FRMD4A: variants seen among roughly 807,000 people sequenced by gnomAD.
FRMD4A encodes FERM domain-containing protein 4A.
A neutral mutation model predicts 129.1 loss-of-function variants in FRMD4A; 29 were observed. That is an observed-to-expected ratio of 0.22 (90% CI 0.17 to 0.31). The LOEUF (loss-of-function observed/expected upper bound fraction) is 0.31, where lower values mean the gene tolerates loss of function less well. Ranked by LOEUF, FRMD4A falls within the 10% of genes least tolerant of loss-of-function variation. The probability of loss-of-function intolerance (pLI) is 1.00; values close to 1 mark genes in which losing one functional copy is unlikely to be tolerated. For synonymous variants in FRMD4A, 634 were observed against 571.6 expected, an observed-to-expected ratio of 1.11 and a Z score of -1.56; for missense variants, 1,272 against 1,375.8, an observed-to-expected ratio of 0.92 and a Z score of 1.19.
At chr10:14,008,296 G>A (rs1361628234) in intron 2 of FRMD4A, 1 of 1,036,470 alleles carries the variant, frequency 9.6e-7, no homozygotes, top group Non-Finnish European at 1.2e-6. Flanking sequence ...AACTGAAAGA[G>A]TTTTTCTTTC....
chr10:13,972,054 G>T, intron 2 of FRMD4A: 1 of 1,151,946 alleles, frequency 8.7e-7, no homozygotes, highest in Non-Finnish European at 1.1e-6. Flanking sequence ...TTTTCTCCTT[G>T]TCTCTGGGGA....
chr10:13,978,095 A>T (rs1411670020), intron 2 of FRMD4A, among the ~76,000 whole-genome samples: 1 of 152,200 alleles, frequency 6.6e-6, no homozygotes, highest in Non-Finnish European at 1.5e-5. Context: ...CAGCTGTACC[A>T]TTTTACATTT....
intron 2 of FRMD4A, among the ~76,000 whole-genome samples, chr10:14,252,394 C>A (rs957034817): frequency 2.6e-5 from 4 of 152,070 alleles, no homozygotes; most frequent in African/African-American, 9.7e-5. Flanking sequence ...AAAGAAAATC[C>A]AAAAATCATG....
At chr10:13,679,352 G>A (rs1335415246) in intron 15 of FRMD4A, among the ~76,000 whole-genome samples, 21 of 138,512 alleles carry the variant, frequency 1.5e-4, no homozygotes, top group African/African-American at 5.2e-4. Flanking sequence ...GCTTGAACCC[G>A]GGAGGCGGAG....
intron 15 of FRMD4A, among the ~76,000 whole-genome samples, chr10:13,688,317 T>C (rs1346769839): frequency 6.6e-6 from 1 of 152,068 alleles, no homozygotes; most frequent in Non-Finnish European, 1.5e-5. Flanking sequence ...CACCGCATGT[T>C]CTCACTCATA....
At chr10:13,779,705 G>C (rs1343583369) in intron 6 of FRMD4A, among the ~76,000 whole-genome samples, 1 of 151,630 alleles carries the variant, frequency 6.6e-6, no homozygotes, top group East Asian at 1.9e-4. Flanking sequence ...CCTAGGTTTA[G>C]TATTATTTGA....
At chr10:13,859,154 G>A (rs557100404) in intron 2 of FRMD4A, among the ~76,000 whole-genome samples, 66 of 152,262 alleles carry the variant, frequency 4.3e-4, no homozygotes, top group African/African-American at 1.5e-3. Flanking sequence ...AAGGTGGGCG[G>A]ATCACCTGAG....
At chr10:14,003,283 G>A (rs1165423868) in intron 2 of FRMD4A, among the ~76,000 whole-genome samples, 1 of 152,190 alleles carries the variant, frequency 6.6e-6, no homozygotes, top group Admixed American at 6.5e-5. Context: ...AGAGGAGGCA[G>A]GAAGACGCCA....
intron 2 of FRMD4A, among the ~76,000 whole-genome samples, chr10:14,172,902 T>C (rs1035173016): frequency 4.6e-5 from 7 of 152,220 alleles, no homozygotes; most frequent in African/African-American, 1.7e-4. Context: ...TTCTAATGAA[T>C]GACTCTCAGA....
In FRMD4A at chr10:14,287,870, A is replaced by T. The variant is rs555098718; in HGVS notation, c.45+42188T>A. Among the ~76,000 whole-genome samples, 272 of 152,284 alleles carry T rather than the reference A, an allele frequency of 1.8e-3. 1 individual carries two copies. Among genetic ancestry groups the T allele is most frequent in the African/African-American group, 5.7e-3 (237 of 41,552 alleles). ...AAGTGCCAGTTTTGAGATAAATAGG[A>T]TGTTAAAACCATAATTCTTTAACTT... is the stretch of plus-strand genomic sequence containing the variant. On this transcript the variant is annotated intron_variant, in intron 2 of 24. Transcript: ENST00000357447.
intron 9 of FRMD4A, among the ~76,000 whole-genome samples, chr10:13,747,335 GAGACC>G (rs1261930047): frequency 6.6e-6 from 1 of 151,880 alleles, no homozygotes; most frequent in Non-Finnish European, 1.5e-5. Flanking sequence ...TCAGGAGTTT[GAGACC>G]AGCCTGGCCA....
intron 11 of FRMD4A, 59 bp from the exon 12 acceptor site, chr10:13,737,989 A>G (rs1292002009): frequency 2.1e-6 from 2 of 946,016 alleles, no homozygotes; most frequent in Non-Finnish European, 3.5e-6. Context: ...ACACACGCAA[A>G]GTGGAGATTT....
chr10:13,851,905 TAA>T (rs34091812), intron 3 of FRMD4A, among the ~76,000 whole-genome samples: 224 of 142,326 alleles, frequency 1.6e-3, no homozygotes, highest in Middle Eastern at 6.9e-3. Flanking sequence ...TCTCAAAAAT[TAA>T]AAAAAAAAAA....
intron 20 of FRMD4A, 37 bp downstream of exon 20, chr10:13,660,279 G>T (rs2082535081): frequency 7.9e-7 from 1 of 1,266,228 alleles, no homozygotes; most frequent in African/African-American, 1.5e-5. Context: ...GAGCATAGAG[G>T]GAGGCCTCAT....
At chr10:14,032,633 A>AG (rs1475040464) in intron 2 of FRMD4A, among the ~76,000 whole-genome samples, 3 of 152,156 alleles carry the variant, frequency 2.0e-5, no homozygotes, top group African/African-American at 4.8e-5. Flanking sequence ...GGCGCCAGCA[A>AG]GGGGGAGCTG....
intron 9 of FRMD4A, among the ~76,000 whole-genome samples, chr10:13,745,851 G>A (rs1038558461): frequency 1.3e-5 from 2 of 152,150 alleles, no homozygotes; most frequent in Admixed American, 6.5e-5. Context: ...CAGCCAGGAG[G>A]CTACAGAGGG....
intron 2 of FRMD4A, among the ~76,000 whole-genome samples, chr10:13,923,912 A>G (rs2095101271): frequency 1.3e-5 from 2 of 152,192 alleles, no homozygotes; most frequent in African/African-American, 2.4e-5. Flanking sequence ...GGGGAGATAG[A>G]CAAAATAAAC....
intron 2 of FRMD4A, among the ~76,000 whole-genome samples, chr10:14,206,041 T>C (rs771177743): frequency 3.1e-4 from 47 of 152,282 alleles, no homozygotes; most frequent in Admixed American, 8.5e-4. Context: ...CTCTGCTAGT[T>C]TTCCCATGGG....
In FRMD4A at chr10:14,176,495, G is replaced by A. The variant is rs1201687962; in HGVS notation, c.45+153563C>T. Among the ~76,000 whole-genome samples the A allele has an allele frequency of 4.5e-4, 41 of 91,346 alleles. 1 individual carries two copies. The highest frequency in any genetic ancestry group is 1.9e-3 in the African/African-American group (41 of 21,050). The allele number at this position is 91,346 out of a possible 152,430, so 59.9% of individuals were successfully genotyped here. ...TTTTTTTTTTTTTTTTTTTTTTTGAGACGGAGTCTCCCTCTGTTGGCCAGG... is the reference window on the plus strand; with the variant it reads ...TTTTTTTTTTTTTTTTTTTTTTTGAAACGGAGTCTCCCTCTGTTGGCCAGG... On this transcript the variant is annotated intron_variant, in intron 2 of 24. Transcript: ENST00000357447.
Sources: allele counts gnomAD v4.1 joint callset (sites outside exome capture counted in the v4.1 genomes callset), GRCh38; gene constraint gnomAD v4.1.1; transcripts MANE v1.5; gene names NCBI Gene and HGNC (gene_info 2026-07-23, HGNC 2026-07-21).